Variants in HTR2C observed in about 807,000 individuals in gnomAD.
The protein encoded by HTR2C is 5-hydroxytryptamine receptor 2C.
A neutral mutation model predicts 21.0 loss-of-function variants in HTR2C; 5 were observed. The observed-to-expected ratio is 0.24, with a 90% CI of 0.12 to 0.50. The LOEUF is 0.50. HTR2C is among the 20% of genes least tolerant of loss of function. HTR2C has a pLI of 0.98. For missense variants in HTR2C, 271 were observed against 371.2 expected (o/e 0.73, Z 2.22); for synonymous variants, 150 against 145.3 (o/e 1.03, Z -0.23).
In HTR2C at chrX:114,873,961, T is replaced by C. The variant is rs782577522; in HGVS notation, c.550+25758T>C. Among the ~76,000 whole-genome samples, 112 of 108,412 alleles carry C rather than the reference T, an allele frequency of 1.0e-3. 1 individual carries two copies. The highest frequency in any genetic ancestry group is 3.7e-3 in the African/African-American group (110 of 29,850). The allele number at this position is 108,412 out of a possible 115,157, so 94.1% of individuals were successfully genotyped here. A position where few individuals can be genotyped will look rare whatever the true frequency, so the allele number is the denominator to read the frequency against. On this transcript the variant is annotated intron_variant, in intron 5 of 5. Transcript: ENST00000276198. ...CAACCCCCAACCCCAGCCCCAGAAA[T>C]ACATCATTCTACTCTCTGCTCCCGT...
chrX:114,789,003 TACTTTA>T (rs1434417332), intron 4 of HTR2C, among the ~76,000 whole-genome samples: 2 of 111,960 alleles, frequency 1.8e-5, no homozygotes, highest in Non-Finnish European at 3.8e-5. Flanking sequence ...TTCATCTTCC[TACTTTA>T]ACTTAAGTTT....
At chrX:114,726,412 G>C (rs782507441) in intron 2 of HTR2C, among the ~76,000 whole-genome samples, 42 of 112,298 alleles carry the variant, frequency 3.7e-4, no homozygotes, top group African/African-American at 1.3e-3. Context: ...TGCGCCCACT[G>C]TCTGGCACTC....
chrX:114,695,341 G>A (rs1932246601), intron 2 of HTR2C, among the ~76,000 whole-genome samples: 1 of 111,807 alleles, frequency 8.9e-6, no homozygotes. Flanking sequence ...CTAAGACTAG[G>A]ATTGGAAGGT....
chrX:114,801,420 A>G (rs1030117175), intron 4 of HTR2C, among the ~76,000 whole-genome samples: 1 of 110,882 alleles, frequency 9.0e-6, no homozygotes, highest in East Asian at 2.9e-4. Flanking sequence ...TTCGTGCATG[A>G]CTCTGACTAT....
intron 4 of HTR2C, among the ~76,000 whole-genome samples, chrX:114,788,145 T>C (rs1397379799): frequency 1.8e-5 from 2 of 111,382 alleles, no homozygotes; most frequent in African/African-American, 3.3e-5. Context: ...TTCCTGTTCC[T>C]ACCCCTGCAT....
chrX:114,683,056 T>C (rs1350902667), intron 2 of HTR2C, among the ~76,000 whole-genome samples: 7 of 111,998 alleles, frequency 6.3e-5, no homozygotes, highest in Non-Finnish European at 1.3e-4. Flanking sequence ...GATCGTAATA[T>C]GATCAGACCA....
intron 1 of HTR2C, among the ~76,000 whole-genome samples, chrX:114,595,228 A>G (rs782820834): frequency 4.5e-5 from 5 of 110,664 alleles, no homozygotes; most frequent in Non-Finnish European, 9.5e-5. Flanking sequence ...CATTCTTTTT[A>G]TTTTTTTGAG....
intron 2 of HTR2C, chrX:114,652,872 C>T (rs1035202532): frequency 1.2e-5 from 2 of 168,030 alleles, no homozygotes; most frequent in East Asian, 3.0e-4. Flanking sequence ...CAGATTATTT[C>T]TCATCTGGGA....
At chrX:114,742,876 C>T (rs2069664822) in intron 4 of HTR2C, among the ~76,000 whole-genome samples, 1 of 53,220 alleles carries the variant, frequency 1.9e-5, no homozygotes, top group Admixed American at 2.5e-4. Flanking sequence ...CTATCCCTCC[C>T]CCCTCCCCCG....
At chrX:114,696,716 A>G (rs1602694514) in intron 2 of HTR2C, among the ~76,000 whole-genome samples, 1 of 110,377 alleles carries the variant, frequency 9.1e-6, no homozygotes. Context: ...AACAGGAGGG[A>G]AAAGAATTTG....
intron 2 of HTR2C, among the ~76,000 whole-genome samples, chrX:114,653,944 A>T (rs1466926534): frequency 9.0e-6 from 1 of 110,558 alleles, no homozygotes; most frequent in Non-Finnish European, 1.9e-5. Context: ...TATTTCTGCT[A>T]CTACGCTGCA....
At chrX:114,878,062 T>C (rs2048111899) in intron 5 of HTR2C, among the ~76,000 whole-genome samples, 1 of 110,918 alleles carries the variant, frequency 9.0e-6, no homozygotes, top group Non-Finnish European at 1.9e-5. Context: ...TGCTGATGTC[T>C]TCTATTTAAT....
At chrX:114,601,918 T>G (rs1928118997) in intron 1 of HTR2C, among the ~76,000 whole-genome samples, 1 of 94,177 alleles carries the variant, frequency 1.1e-5, no homozygotes, top group Non-Finnish European at 2.1e-5. Flanking sequence ...TGGTAAGGGG[T>G]GATATTGTGG....
chrX:114,696,291 T>C (rs782011885), intron 2 of HTR2C, among the ~76,000 whole-genome samples: 4 of 111,718 alleles, frequency 3.6e-5, no homozygotes, highest in African/African-American at 9.7e-5. Flanking sequence ...TTTGGCAATA[T>C]AGTGACTTTT....
intron 1 of HTR2C, among the ~76,000 whole-genome samples, chrX:114,585,723 C>T (rs1173201415): frequency 9.0e-6 from 1 of 111,234 alleles, no homozygotes; most frequent in African/African-American, 3.3e-5. Flanking sequence ...CAGCGAGTGA[C>T]ATTCGGCAGT....
At chrX:114,843,554 G>GA (rs782106395) in intron 4 of HTR2C, among the ~76,000 whole-genome samples, 1 of 111,199 alleles carries the variant, frequency 9.0e-6, no homozygotes, top group Admixed American at 9.6e-5. Context: ...AAAAGGATCA[G>GA]AAAAAAATAT....
At chrX:114,852,228 G>C (rs2070924021) in intron 5 of HTR2C, among the ~76,000 whole-genome samples, 1 of 109,620 alleles carries the variant, frequency 9.1e-6, no homozygotes, top group Non-Finnish European at 1.9e-5. Flanking sequence ...CACATTTAGG[G>C]ATTTTGTTTT....
intron 5 of HTR2C, among the ~76,000 whole-genome samples, chrX:114,874,394 C>T (rs914624639): frequency 2.7e-5 from 3 of 111,898 alleles, no homozygotes; most frequent in Non-Finnish European, 3.8e-5. Context: ...AATTTACATT[C>T]CTATCAAAAG....
At chrX:114,842,023 GT>G (rs2070838696) in intron 4 of HTR2C, among the ~76,000 whole-genome samples, 1 of 111,981 alleles carries the variant, frequency 8.9e-6, no homozygotes, top group Non-Finnish European at 1.9e-5. Context: ...TTATTGTTCT[GT>G]CTCTCCAAAA....
Sources: allele counts gnomAD v4.1 joint callset (sites outside exome capture counted in the v4.1 genomes callset), GRCh38; gene constraint gnomAD v4.1.1; transcripts MANE v1.5; gene names NCBI Gene and HGNC (gene_info 2026-07-23, HGNC 2026-07-21).